Variants in CEP350 observed in about 807,000 individuals in gnomAD.
CEP350 encodes centrosomal protein 350.
CEP350 carries 126 observed loss-of-function variants against 331.8 expected under a neutral mutation model. That is an observed-to-expected ratio of 0.38 (90% CI 0.33 to 0.44). The LOEUF is 0.44. CEP350 is among the 20% of genes least tolerant of loss of function. The pLI is 1.00. For missense variants in CEP350, 3,406 were observed against 3,634.6 expected (o/e 0.94, Z 1.62); for synonymous variants, 1,200 against 1,259.5 (o/e 0.95, Z 1.00).
intron 33 of CEP350, among the ~76,000 whole-genome samples, chr1:180,091,965 C>T (rs2149128556): frequency 1.3e-5 from 2 of 151,914 alleles, no homozygotes; most frequent in South Asian, 4.2e-4. Context: ...GGCTAAGGAT[C>T]GCTTGAGCCC....
In CEP350 at chr1:179,996,954, A is replaced by G; in HGVS notation, c.797A>G (p.Asn266Ser). 6.2e-7 allele frequency: 1 copy of G among 1,614,054 alleles called. No homozygotes were observed. The highest frequency in any genetic ancestry group is 1.6e-4 in the Middle Eastern group (1 of 6,062). The change falls in exon 6 of 38, where the codon AAT (asparagine) becomes AGT (serine). Residue 266 changes from asparagine to serine, a missense_variant. Coordinates refer to ENST00000367607, the MANE Select transcript of CEP350 (RefSeq NM_014810.5). The stretch of plus-strand genomic sequence containing the variant: ...TCTCCATCCTCTACTAGTACTTCTA[A>G]TTCCCAAAGATTAGATATTCTAAAG... ...DSSPSSTSTS[N>S]SQRLDILKRR... is the part of the protein sequence containing the mutation.
intron 32 of CEP350, among the ~76,000 whole-genome samples, chr1:180,087,986 T>C (rs1201616205): frequency 6.6e-6 from 1 of 152,124 alleles, no homozygotes; most frequent in Non-Finnish European, 1.5e-5. Flanking sequence ...GTAGCATAAG[T>C]TGATGTAGAC....
intron 28 of CEP350, among the ~76,000 whole-genome samples, chr1:180,075,686 G>A (rs1659178184): frequency 6.6e-6 from 1 of 152,148 alleles, no homozygotes. Flanking sequence ...TAGGCGCGGT[G>A]GCTCATGCCT....
intron 1 of CEP350, 100 bp from the exon 2 acceptor site, chr1:179,986,069 T>C: frequency 1.1e-6 from 1 of 881,042 alleles, no homozygotes. Flanking sequence ...TACATCCTAA[T>C]GGGTGTGAAG....
At chr1:180,110,341 A>G (rs761000753) in intron 37 of CEP350, among the ~76,000 whole-genome samples, 2 of 152,166 alleles carry the variant, frequency 1.3e-5, no homozygotes, top group Non-Finnish European at 2.9e-5. Context: ...CGATTTTTGA[A>G]TTTTGATCTT....
intron 27 of CEP350, among the ~76,000 whole-genome samples, chr1:180,067,963 C>T (rs1050619792): frequency 6.6e-6 from 1 of 152,154 alleles, no homozygotes; most frequent in Non-Finnish European, 1.5e-5. Flanking sequence ...TCTGCTACTT[C>T]GTGAACAACA....
At position 180,053,860 on chromosome 1, in the gene CEP350, A is replaced by G. The variant is rs773676899; in HGVS notation, c.5100A>G (p.Ser1700=). The G allele has an allele frequency of 1.9e-6, 3 of 1,611,858 alleles. No homozygotes were observed. Among genetic ancestry groups the G allele is most frequent in the East Asian group, 2.2e-5 (1 of 44,886 alleles). Residue 1700 remains serine (S), a synonymous_variant, in exon 24 of 38, where the codon TCA becomes TCG. Coordinates refer to ENST00000367607, the MANE Select transcript of CEP350 (RefSeq NM_014810.5). ...AAATGAGGGCAGCTCACCAGTCTTCACTCCTGCGTCTCCGTGAAAAGGCCT... is the reference window on the plus strand; with the variant it reads ...AAATGAGGGCAGCTCACCAGTCTTCGCTCCTGCGTCTCCGTGAAAAGGCCT... ...EEEMRAAHQS[S]LLRLREKALK... is the part of the protein sequence containing the mutation.
intron 16 of CEP350, among the ~76,000 whole-genome samples, chr1:180,034,738 G>A (rs1214860840): frequency 6.6e-6 from 1 of 152,100 alleles, no homozygotes; most frequent in Non-Finnish European, 1.5e-5. Flanking sequence ...TCAATGTTGT[G>A]TGTGTTCTGA....
intron 27 of CEP350, among the ~76,000 whole-genome samples, chr1:180,067,618 G>T (rs1295544101): frequency 2.6e-5 from 4 of 152,320 alleles, no homozygotes; most frequent in Admixed American, 2.0e-4. Flanking sequence ...GAACCTGGGA[G>T]GGGGAGGTTG....
rs756802886 is a variant in CEP350, at chr1:180,013,838, A to G, written c.1394-9A>G. 1.3e-5 allele frequency: 20 copies of G among 1,593,980 alleles called. No homozygotes were observed. Among genetic ancestry groups the G allele is most frequent in the Non-Finnish European group, 1.4e-5 (16 of 1,171,674 alleles). The stretch of plus-strand genomic sequence containing the variant: ...TTTCGGTATATCACTAACAGTTCAT[A>G]CTTTGCAGGGGGTCACATTGGAAGA... On this transcript the variant is annotated splice_polypyrimidine_tract_variant and intron_variant, in intron 9 of 37. Coordinates refer to ENST00000367607, the MANE Select transcript of CEP350 (RefSeq NM_014810.5).
chr1:179,984,316 C>T (rs1057365535), intron 1 of CEP350, among the ~76,000 whole-genome samples: 5 of 152,198 alleles, frequency 3.3e-5, no homozygotes, highest in African/African-American at 1.2e-4. Context: ...TTGGGAGCAG[C>T]TCATCTGGGT....
Position 179,992,152 on chromosome 1 carries a change from C to T in CEP350, c.326C>T (p.Ala109Val), listed in dbSNP as rs2148695342. The T allele has an allele frequency of 6.5e-7, 1 of 1,541,192 alleles. No individual in the cohort carries two copies. Reference sequence around the variant, plus strand: ...GAGAAATCTCGTAGTCCTCTCAGGGCCACCACCCTGGAGAGTAATGTGAAG... The same window carrying T: ...GAGAAATCTCGTAGTCCTCTCAGGGTCACCACCCTGGAGAGTAATGTGAAG... ...RKEKSRSPLR[A>V]TTLESNVKKN... is the part of the protein sequence containing the mutation. The change falls in exon 5 of 38, where the codon GCC (alanine) becomes GTC (valine). Residue 109 changes from alanine (A) to valine (V), a missense_variant. Physicochemically the swap from Ala to Val is moderately conservative, Grantham distance 64. Around this residue, in one of 5 missense-constraint regions of CEP350, gnomAD observed 1,857 missense variants for 1,909.2 expected, o/e 0.97. Coordinates refer to ENST00000367607, the MANE Select transcript of CEP350 (RefSeq NM_014810.5).
intron 33 of CEP350, among the ~76,000 whole-genome samples, chr1:180,091,501 A>G (rs1269843731): frequency 6.6e-6 from 1 of 152,156 alleles, no homozygotes; most frequent in South Asian, 2.1e-4. Context: ...AGCTGTATAC[A>G]TTTTTCAGTT....
chr1:180,054,769 T>C (rs1171182150), intron 25 of CEP350, among the ~76,000 whole-genome samples: 1 of 152,218 alleles, frequency 6.6e-6, no homozygotes, highest in African/African-American at 2.4e-5. Context: ...AAGAAAATAC[T>C]CTTTTGAAAT....
At chr1:179,999,756 G>C (rs750407792) in intron 6 of CEP350, among the ~76,000 whole-genome samples, 22 of 152,060 alleles carry the variant, frequency 1.4e-4, no homozygotes, top group Non-Finnish European at 3.1e-4. Context: ...TGTGTGTATT[G>C]TGTGTCTGTG....
At chr1:180,000,335 A>G (rs1221443842) in intron 6 of CEP350, 1 of 149,966 alleles carries the variant, frequency 6.7e-6, no homozygotes, top group Non-Finnish European at 1.5e-5. Flanking sequence ...GAACTGCCAC[A>G]CTTCCTTTTT....
Position 180,093,521 on chromosome 1 carries a change from T to C in CEP350, c.7416T>C (p.Asp2472=). The change falls in exon 34 of 38, where the codon GAT becomes GAC. Residue 2472 remains aspartate, a synonymous_variant. Coordinates refer to ENST00000367607, the MANE Select transcript of CEP350 (RefSeq NM_014810.5). ...TGATGAAAAGTAAGGAGCGCAGTGATGTGGAGCATGAACAGCAAGTTACTG... is the reference window on the plus strand; with the variant it reads ...TGATGAAAAGTAAGGAGCGCAGTGACGTGGAGCATGAACAGCAAGTTACTG... ...TELMKSKERS[D]VEHEQQVTES... 1 of 1,613,458 alleles carries C rather than the reference T, an allele frequency of 6.2e-7. No homozygotes were observed.
chr1:179,980,474 A>G (rs769885594), intron 1 of CEP350, among the ~76,000 whole-genome samples: 3 of 151,834 alleles, frequency 2.0e-5, no homozygotes, highest in African/African-American at 4.8e-5. Flanking sequence ...ATGTATGATT[A>G]TATTGTCTGA....
Position 180,006,856 on chromosome 1 carries a change from T to C in CEP350, c.1246+289T>C, listed in dbSNP as rs532272119. Among the ~76,000 whole-genome samples, 759 of 152,256 alleles carry C rather than the reference T, an allele frequency of 5.0e-3. 9 individuals are homozygous for C. The highest frequency in any genetic ancestry group is 0.017 in the African/African-American group (724 of 41,544). ...CCCACTTATGAGTGAGAACATGCAG[T>C]GTTTGGTTTTCTGTTCCTGTGTTAG... On this transcript the variant is annotated intron_variant, in intron 8 of 37. Transcript: ENST00000367607.
Sources: gnomAD v4.1 joint callset for allele counts (sites outside exome capture counted in the v4.1 genomes callset) on GRCh38, gnomAD v4.1.1 for gene constraint, gnomAD v4.1.1 regional missense constraint, MANE v1.5 for transcripts, NCBI Gene and HGNC (gene_info 2026-07-23, HGNC 2026-07-21) for gene names.